The following MARCHF1 variants were observed in gnomAD, a reference collection of about 807,000 sequenced individuals.
MARCHF1 encodes membrane associated ring-CH-type finger 1.
MARCHF1 carries 40 observed loss-of-function variants against 54.2 expected under a neutral mutation model. The ratio of observed to expected loss-of-function variants is 0.74; its 90% confidence interval spans 0.57 to 0.96. MARCHF1 has a LOEUF of 0.96. Ranked by LOEUF, MARCHF1 falls within the 40% of genes least tolerant of loss-of-function variation. MARCHF1 has a pLI of 0.00. For synonymous variants in MARCHF1, 236 were observed against 236.3 expected, an observed-to-expected ratio of 1.00 and a Z score of 0.01; for missense variants, 586 against 656.5, an observed-to-expected ratio of 0.89 and a Z score of 1.17.
chr4:163,723,826 A>G (rs555740072), intron 4 of MARCHF1, among the ~76,000 whole-genome samples: 78 of 152,284 alleles, frequency 5.1e-4, no homozygotes, highest in African/African-American at 1.8e-3. Context: ...CGGCTACTGA[A>G]GCTTGTGCAT....
chr4:164,010,237 T>C (rs1023703790), intron 2 of MARCHF1, among the ~76,000 whole-genome samples: 29 of 151,422 alleles, frequency 1.9e-4, no homozygotes, highest in African/African-American at 6.8e-4. Flanking sequence ...CAGCGTTTTT[T>C]TTTGTTGTTG....
chr4:164,024,420 T>C (rs574506199), intron 2 of MARCHF1, among the ~76,000 whole-genome samples: 1 of 152,182 alleles, frequency 6.6e-6, no homozygotes, highest in South Asian at 2.1e-4. Context: ...ACAGAAGATA[T>C]TGGTGGCTTA....
chr4:163,630,439 G>C (rs1742033355), intron 5 of MARCHF1, among the ~76,000 whole-genome samples: 1 of 152,186 alleles, frequency 6.6e-6, no homozygotes, highest in Non-Finnish European at 1.5e-5. Context: ...GAGATGGATA[G>C]ATTTCACAGG....
At chr4:163,908,549 G>C (rs1331162525) in intron 3 of MARCHF1, among the ~76,000 whole-genome samples, 1 of 152,108 alleles carries the variant, frequency 6.6e-6, no homozygotes, top group East Asian at 1.9e-4. Flanking sequence ...ATATCCTGTA[G>C]GTGGACAGGT....
chr4:163,780,746 T>A (rs1289760925), intron 4 of MARCHF1, among the ~76,000 whole-genome samples: 1 of 152,212 alleles, frequency 6.6e-6, no homozygotes, highest in Non-Finnish European at 1.5e-5. Context: ...AAATAAACTT[T>A]TCTTCTTCTA....
chr4:163,932,999 A>T, intron 3 of MARCHF1: 1 of 953,172 alleles, frequency 1.0e-6, no homozygotes, highest in Non-Finnish European at 1.7e-6. Context: ...AAGAGATACA[A>T]TCCACACATC....
intron 2 of MARCHF1, among the ~76,000 whole-genome samples, chr4:164,036,197 A>G (rs1753997962): frequency 6.6e-6 from 1 of 151,990 alleles, no homozygotes; most frequent in Admixed American, 6.6e-5. Flanking sequence ...GAAATGCTAT[A>G]TGTTTTACTT....
chr4:163,662,990 A>C (rs1743398637), intron 5 of MARCHF1, among the ~76,000 whole-genome samples: 1 of 152,020 alleles, frequency 6.6e-6, no homozygotes, highest in South Asian at 2.1e-4. Flanking sequence ...GGAAAAAAAA[A>C]AATGTTTCTT....
At chr4:164,340,968 C>T (rs948922128) in intron 1 of MARCHF1, among the ~76,000 whole-genome samples, 3 of 149,660 alleles carry the variant, frequency 2.0e-5, no homozygotes, top group African/African-American at 2.5e-5. Context: ...AATCTAGATG[C>T]AAAACTCCTC....
chr4:164,127,118 G>A (rs924448231), intron 1 of MARCHF1, among the ~76,000 whole-genome samples: 8 of 148,598 alleles, frequency 5.4e-5, no homozygotes, highest in African/African-American at 1.7e-4. Context: ...TGGAGAAACA[G>A]TGATCCTTGT....
chr4:163,741,744 G>A (rs896419611), intron 4 of MARCHF1, among the ~76,000 whole-genome samples: 24 of 152,116 alleles, frequency 1.6e-4, no homozygotes, highest in African/African-American at 5.8e-4. Context: ...GAAATAGAGA[G>A]GATAAGGAGT....
At chr4:163,859,264 C>T (rs1749854050) in intron 3 of MARCHF1, among the ~76,000 whole-genome samples, 1 of 152,122 alleles carries the variant, frequency 6.6e-6, no homozygotes, top group Non-Finnish European at 1.5e-5. Context: ...ATAAGCTACC[C>T]TCACCTTGTA....
chr4:164,040,311 T>TATGA (rs1754098773), intron 2 of MARCHF1, among the ~76,000 whole-genome samples: 1 of 111,444 alleles, frequency 9.0e-6, no homozygotes, highest in African/African-American at 3.8e-5. Flanking sequence ...TACATATACT[T>TATGA]ATAAATATGT....
chr4:163,539,428 G>A (rs1038446313), intron 9 of MARCHF1, among the ~76,000 whole-genome samples: 6 of 152,228 alleles, frequency 3.9e-5, no homozygotes, highest in East Asian at 1.9e-4. Flanking sequence ...ACAAATTAAC[G>A]GTGCGTGACA....
At chr4:164,288,700 T>C (rs1265350954) in intron 1 of MARCHF1, among the ~76,000 whole-genome samples, 3 of 152,108 alleles carry the variant, frequency 2.0e-5, no homozygotes, top group Non-Finnish European at 2.9e-5. Context: ...CATGGTTATA[T>C]ATTATTATGT....
Position 164,177,009 on chromosome 4 carries a change from T to TATATACAC in MARCHF1, c.-322-65348_-322-65347insGTGTATAT, listed in dbSNP as rs1553989397. ...ATATATATATATATATATATATATA[T>TATATACAC]ACAAATGATAGAATTAGGCATGTTT... is the stretch of plus-strand genomic sequence containing the variant. On this transcript the variant is annotated intron_variant, in intron 1 of 9. Transcript: ENST00000514618. Among the ~76,000 whole-genome samples, 17 of 55,564 alleles carry TATATACAC rather than the reference T, an allele frequency of 3.1e-4. No individual in the cohort carries two copies. In the Admixed American group the frequency reaches 3.5e-3, roughly 11 times the overall value. 36.5% of individuals were successfully genotyped at this position (55,564 alleles called of 152,430 possible). A position where few individuals can be genotyped will look rare whatever the true frequency, so the allele number is the denominator to read the frequency against.
rs572015706 is a variant in MARCHF1 at position 163,859,433 on chromosome 4, C to T, written c.-38-5264G>A. On this transcript the variant is annotated intron_variant, in intron 3 of 9. Transcript: ENST00000514618. ...TGAGTGCAATGGCGTGATCTTGGCTCACTGCAACCTCTGCCTCCCAGGTTC... is the reference window on the plus strand; with the variant it reads ...TGAGTGCAATGGCGTGATCTTGGCTTACTGCAACCTCTGCCTCCCAGGTTC... Among the ~76,000 whole-genome samples, 158 of 149,258 alleles carry T rather than the reference C, an allele frequency of 1.1e-3. 1 individual carries two copies. Among genetic ancestry groups the T allele is most frequent in the South Asian group, 2.8e-3 (13 of 4,708 alleles).
At chr4:163,548,550 C>T (rs1007245866) in intron 8 of MARCHF1, among the ~76,000 whole-genome samples, 38 of 152,242 alleles carry the variant, frequency 2.5e-4, no homozygotes, top group African/African-American at 8.2e-4. Flanking sequence ...ACTTCTAAAT[C>T]GCAGTTAACA....
chr4:163,621,244 G>A (rs1012869491), intron 5 of MARCHF1, among the ~76,000 whole-genome samples: 13 of 152,096 alleles, frequency 8.5e-5, no homozygotes, highest in Admixed American at 4.6e-4. Flanking sequence ...CTCCTGTTCA[G>A]AAGGAAGACA....
Sources: gnomAD v4.1 joint callset for allele counts (sites outside exome capture counted in the v4.1 genomes callset) on GRCh38, gnomAD v4.1.1 for gene constraint, MANE v1.5 for transcripts, NCBI Gene and HGNC (gene_info 2026-07-23, HGNC 2026-07-21) for gene names.